PDS5B: variants seen among roughly 807,000 people sequenced by gnomAD.
PDS5B encodes the protein PDS5 cohesin associated factor B.
A neutral mutation model predicts 184.1 loss-of-function variants in PDS5B; 51 were observed. The observed-to-expected ratio is 0.28, with a 90% CI of 0.22 to 0.35. PDS5B has a LOEUF of 0.35. PDS5B is among the 10% of genes least tolerant of loss of function. The probability of loss-of-function intolerance (pLI) is 1.00; values close to 1 mark genes in which losing one functional copy is unlikely to be tolerated. For synonymous variants in PDS5B, 566 were observed against 569.2 expected (o/e 0.99, Z 0.08); for missense variants, 1,180 against 1,723.3 (o/e 0.68, Z 5.58).
At chr13:32,599,862 C>T (rs937553197) in intron 1 of PDS5B, among the ~76,000 whole-genome samples, 1 of 152,004 alleles carries the variant, frequency 6.6e-6, no homozygotes, top group African/African-American at 2.4e-5. Flanking sequence ...TTGCAGTGAG[C>T]CGAGATCGTG....
At chr13:32,688,381 T>C in intron 12 of PDS5B, 75 bp from the exon 13 acceptor site, 2 of 711,000 alleles carry the variant, frequency 2.8e-6, no homozygotes, top group Non-Finnish European at 4.8e-6. Context: ...GTTCTTTACA[T>C]AGTTTTAGAA....
At chr13:32,664,182 G>T (rs1459102662) in intron 6 of PDS5B, among the ~76,000 whole-genome samples, 2 of 152,100 alleles carry the variant, frequency 1.3e-5, no homozygotes, top group Non-Finnish European at 2.9e-5. Flanking sequence ...ATTATAGTAG[G>T]TGTGTTATAT....
At chr13:32,647,395 C>T (rs1461328085) in intron 1 of PDS5B, among the ~76,000 whole-genome samples, 4 of 152,076 alleles carry the variant, frequency 2.6e-5, no homozygotes, top group African/African-American at 7.2e-5. Flanking sequence ...TGCAGCCTCC[C>T]GAGTATCTGG....
intron 6 of PDS5B, among the ~76,000 whole-genome samples, chr13:32,665,588 CAAAAAAAAAAAAAAAAA>C (rs34604938): frequency 1.2e-4 from 3 of 25,874 alleles, no homozygotes; most frequent in Non-Finnish European, 1.9e-4. Flanking sequence ...GACTCCGACT[CAAAAAAAAAAAAAAAAA>C]AAAAAAAAAG....
intron 3 of PDS5B, among the ~76,000 whole-genome samples, chr13:32,655,374 A>ATATTTTT: frequency 8.3e-5 from 6 of 72,466 alleles, no homozygotes; most frequent in Admixed American, 3.7e-4. Flanking sequence ...ATATATATAT[A>ATATTTTT]TTTTTTTTTT....
At chr13:32,701,985 T>C (rs938920246) in intron 17 of PDS5B, among the ~76,000 whole-genome samples, 1 of 152,096 alleles carries the variant, frequency 6.6e-6, no homozygotes, top group African/African-American at 2.4e-5. Flanking sequence ...GCATTCCCTT[T>C]TGTGAAATGT....
intron 3 of PDS5B, among the ~76,000 whole-genome samples, chr13:32,656,312 GT>G (rs1950512731): frequency 8.1e-6 from 1 of 123,728 alleles, no homozygotes; most frequent in Non-Finnish European, 1.6e-5. Flanking sequence ...TGCCTTGGCT[GT>G]TTGGGGTCCC....
chr13:32,642,310 A>T (rs1182783785), intron 1 of PDS5B, among the ~76,000 whole-genome samples: 2 of 152,184 alleles, frequency 1.3e-5, no homozygotes, highest in African/African-American at 4.8e-5. Flanking sequence ...ATGCTAGCAG[A>T]TAGATGCTAG....
In PDS5B at chr13:32,746,112, G is replaced by A; in HGVS notation, c.2736+12G>A. 1 of 1,606,904 alleles carries A rather than the reference G, an allele frequency of 6.2e-7. No homozygotes were observed. Among genetic ancestry groups the A allele is most frequent in the Non-Finnish European group, 8.5e-7 (1 of 1,175,546 alleles). On this transcript the variant is annotated intron_variant, in intron 24 of 34. Coordinates refer to ENST00000315596, the MANE Select transcript of PDS5B (RefSeq NM_015032.4). Reference sequence around the variant, plus strand: ...CATTAGCTATCAACGTAAGGAAATGGCTGTGTACAACTACTTTTTGAAGGT... The same window carrying A: ...CATTAGCTATCAACGTAAGGAAATGACTGTGTACAACTACTTTTTGAAGGT...
intron 1 of PDS5B, among the ~76,000 whole-genome samples, chr13:32,603,421 T>G (rs1200854401): frequency 6.6e-6 from 1 of 152,334 alleles, no homozygotes; most frequent in Non-Finnish European, 1.5e-5. Context: ...TGTGGTATTA[T>G]TTCTGAAGGT....
chr13:32,639,464 C>A (rs964857360), intron 1 of PDS5B, among the ~76,000 whole-genome samples: 1 of 152,024 alleles, frequency 6.6e-6, no homozygotes, highest in Non-Finnish European at 1.5e-5. Flanking sequence ...ATTCAAACTG[C>A]ATGGTAGATT....
chr13:32,603,687 G>A lies in PDS5B; in HGVS notation c.-20+17094G>A, dbSNP rs190788481. 8.5e-5 allele frequency among the ~76,000 whole-genome samples: 13 copies of A among 152,184 alleles called. No homozygotes were observed. The East Asian group carries it at 2.1e-3, about 25-fold the overall frequency. On this transcript the variant is annotated intron_variant, in intron 1 of 34. Coordinates refer to ENST00000315596, the MANE Select transcript of PDS5B (RefSeq NM_015032.4). Reference sequence around the variant, plus strand: ...ATTCAATCTATAAATTACCTTGGGCGGTATGGCCATTTTCACAGTATTGAT... The same window carrying A: ...ATTCAATCTATAAATTACCTTGGGCAGTATGGCCATTTTCACAGTATTGAT...
intron 6 of PDS5B, among the ~76,000 whole-genome samples, chr13:32,665,588 CAAAAAAAAA>C (rs34604938): frequency 3.9e-4 from 10 of 25,874 alleles, no homozygotes; most frequent in East Asian, 1.5e-3. Context: ...GACTCCGACT[CAAAAAAAAA>C]AAAAAAAAAA....
chr13:32,603,975 GC>G (rs749877902), intron 1 of PDS5B, among the ~76,000 whole-genome samples: 35 of 152,186 alleles, frequency 2.3e-4, no homozygotes, highest in Non-Finnish European at 4.4e-4. Context: ...GAGATTTCGG[GC>G]TGAGACGATG....
intron 1 of PDS5B, among the ~76,000 whole-genome samples, chr13:32,591,091 T>C (rs1052104425): frequency 3.3e-5 from 5 of 152,082 alleles, no homozygotes; most frequent in Admixed American, 6.5e-5. Flanking sequence ...ATTGTTATAC[T>C]GTTGTACTGT....
chr13:32,598,792 A>G (rs1348438063), intron 1 of PDS5B, among the ~76,000 whole-genome samples: 1 of 123,302 alleles, frequency 8.1e-6, no homozygotes, highest in Non-Finnish European at 1.6e-5. Flanking sequence ...TTTTTTTGAG[A>G]CAGAGTCTTG....
At chr13:32,770,878 G>A in intron 33 of PDS5B, 117 bp downstream of exon 33, 1 of 721,396 alleles carries the variant, frequency 1.4e-6, no homozygotes, top group Non-Finnish European at 2.3e-6. Context: ...CATTACACTA[G>A]GTAAGATAAA....
intron 17 of PDS5B, among the ~76,000 whole-genome samples, chr13:32,703,807 A>G (rs1951929624): frequency 6.6e-6 from 1 of 152,148 alleles, no homozygotes; most frequent in Non-Finnish European, 1.5e-5. Flanking sequence ...TGTACCCTTT[A>G]AAAAAAATTT....
Position 32,649,041 on chromosome 13 carries a change from G to A in PDS5B, c.108+161G>A, listed in dbSNP as rs1051721671. 1.2e-4 allele frequency: 67 copies of A among 566,498 alleles called. No homozygotes were observed. The South Asian group carries it at 1.3e-3, about 11-fold the overall frequency. 35.1% of individuals were successfully genotyped at this position (566,498 alleles called of 1,614,324 possible). On this transcript the variant is annotated intron_variant, in intron 2 of 34. Transcript: ENST00000315596. Reference sequence around the variant, plus strand: ...AAGGGAGTAGAGTATATAAGGTACAGTGGGGATTATTTGGCTATGATTAAA... The same window carrying A: ...AAGGGAGTAGAGTATATAAGGTACAATGGGGATTATTTGGCTATGATTAAA...
Sources: gnomAD v4.1 joint callset for allele counts (sites outside exome capture counted in the v4.1 genomes callset) on GRCh38, gnomAD v4.1.1 for gene constraint, MANE v1.5 for transcripts, NCBI Gene and HGNC (gene_info 2026-07-23, HGNC 2026-07-21) for gene names.